Variants in BANP observed in about 807,000 individuals in gnomAD.
BANP encodes protein BANP.
In BANP, 11 loss-of-function variants were observed where a neutral mutation model predicts 68.1. The observed-to-expected ratio is 0.16, with a 90% CI of 0.10 to 0.27. The LOEUF is 0.27. Among genes scored for constraint, BANP ranks in the 10% least tolerant of loss-of-function variants. The pLI is 1.00. For missense variants in BANP, 504 were observed against 722.7 expected (o/e 0.70, Z 3.47); for synonymous variants, 329 against 303.2 (o/e 1.09, Z -0.88).
chr16:87,984,047 T>C lies in BANP; in HGVS notation c.163-13T>C, dbSNP rs748667229. The C allele has an allele frequency of 1.9e-6, 3 of 1,613,794 alleles. No individual in the cohort carries two copies. The Admixed American group carries it at 5.0e-5, about 27-fold the overall frequency. On this transcript the variant is annotated splice_polypyrimidine_tract_variant and intron_variant, in intron 3 of 13. Coordinates refer to ENST00000682872, the MANE Select transcript of BANP (RefSeq NM_001386991.1). Reference sequence around the variant, plus strand: ...GGAGACCCTTCCTAAAGCCGGTCTTTTTTCACTTCCAGTCATTCCTGTATT... The same window carrying C: ...GGAGACCCTTCCTAAAGCCGGTCTTCTTTCACTTCCAGTCATTCCTGTATT...
chr16:87,954,095 C>G (rs62053961), intron 1 of BANP, among the ~76,000 whole-genome samples: 4 of 152,106 alleles, frequency 2.6e-5, no homozygotes, highest in African/African-American at 9.7e-5. Context: ...AGTTCTTCCT[C>G]TCCAGCTCTG....
Position 88,071,771 on chromosome 16 carries a change from G to A in BANP, c.1378-298G>A, listed in dbSNP as rs1184965658. On this transcript the variant is annotated intron_variant, in intron 12 of 13. Coordinates refer to ENST00000682872, the MANE Select transcript of BANP (RefSeq NM_001386991.1). The surrounding 1 kb of genome is among the most constrained non-coding windows in gnomAD (Gnocchi z 6.5). ...GCATTTGCTGTTGCTCTCTTTTTCT[G>A]TGGAAGCTCTGCCTTGCTTTTTTTT... 1.6e-6 allele frequency: 1 copy of A among 631,810 alleles called. No homozygotes were observed. Among genetic ancestry groups the A allele is most frequent in the African/African-American group, 1.8e-5 (1 of 55,642 alleles). The allele number at this position is 631,810 out of a possible 1,614,324, so 39.1% of individuals were successfully genotyped here.
chr16:88,007,186 C>T (rs2071469844), intron 6 of BANP, among the ~76,000 whole-genome samples: 2 of 152,116 alleles, frequency 1.3e-5, no homozygotes. Flanking sequence ...GGATGCTTTC[C>T]AGGGATGGCC....
chr16:87,987,712 CAAAA>C (rs66648819), intron 4 of BANP, among the ~76,000 whole-genome samples: 355 of 30,350 alleles, frequency 0.012, 1 homozygote, highest in African/African-American at 0.041. Context: ...GACCCTAACT[CAAAA>C]AAAAAAAAAA....
chr16:88,020,724 C>T (rs1317429967), intron 7 of BANP, among the ~76,000 whole-genome samples: 1 of 152,184 alleles, frequency 6.6e-6, no homozygotes, highest in South Asian at 2.1e-4. Flanking sequence ...AGTCCCTGCT[C>T]CTCGGGGGAG....
intron 11 of BANP, among the ~76,000 whole-genome samples, chr16:88,055,806 A>G (rs2084854720): frequency 6.6e-6 from 1 of 152,160 alleles, no homozygotes; most frequent in African/African-American, 2.4e-5. Flanking sequence ...CCATCAAGAA[A>G]ATATATTCCT....
At chr16:88,031,567 T>G (rs994062177) in intron 8 of BANP, among the ~76,000 whole-genome samples, 3 of 151,096 alleles carry the variant, frequency 2.0e-5, no homozygotes, top group Non-Finnish European at 4.4e-5. Flanking sequence ...GAGAATCGCT[T>G]GAACTTGGGA....
intron 6 of BANP, among the ~76,000 whole-genome samples, chr16:88,007,629 A>G (rs769680762): frequency 2.6e-5 from 4 of 152,268 alleles, no homozygotes; most frequent in African/African-American, 4.8e-5. Context: ...GCTTACTAGG[A>G]AGAACTCAGT....
rs1567943243 is a variant in BANP, at chr16:88,071,418, GGCCTC to G, written c.1378-646_1378-642del. 2.0e-5 allele frequency: 9 copies of G among 454,364 alleles called. No homozygotes were observed. Among genetic ancestry groups the G allele is most frequent in the South Asian group, 1.4e-4 (9 of 64,272 alleles). The allele number at this position is 454,364 out of a possible 1,614,324, so 28.1% of individuals were successfully genotyped here. A position where few individuals can be genotyped will look rare whatever the true frequency, so the allele number is the denominator to read the frequency against. ...ATGGGGTCACCAGAGCCCACCCAGG[GGCCTC>G]GCCTGTCCCCCATTCTCATTCCATA... On this transcript the variant is annotated intron_variant, in intron 12 of 13. Coordinates refer to ENST00000682872, the MANE Select transcript of BANP (RefSeq NM_001386991.1). This position sits in a 1 kb window ranked among gnomAD's most constrained non-coding sequence, Gnocchi z 6.5.
In BANP at chr16:88,071,137, T is replaced by C; in HGVS notation, c.1378-932T>C. The C allele has an allele frequency of 3.5e-6, 1 of 288,050 alleles. No individual in the cohort carries two copies. Among genetic ancestry groups the C allele is most frequent in the Non-Finnish European group, 6.8e-6 (1 of 147,874 alleles). 17.8% of individuals were successfully genotyped at this position (288,050 alleles called of 1,614,324 possible). A position where few individuals can be genotyped will look rare whatever the true frequency, so the allele number is the denominator to read the frequency against. ...TGGGGTGGGGCACCCTGCGACGGGC[T>C]GCTCCTCTTCCCAGGGCCACCGGTG... On this transcript the variant is annotated intron_variant, in intron 12 of 13. Transcript: ENST00000682872. This position sits in a 1 kb window ranked among gnomAD's most constrained non-coding sequence, Gnocchi z 6.5.
At chr16:88,020,687 G>A (rs988615975) in intron 7 of BANP, among the ~76,000 whole-genome samples, 22 of 152,194 alleles carry the variant, frequency 1.4e-4, no homozygotes, top group Non-Finnish European at 2.9e-5. Context: ...AGTGGCATTC[G>A]GGGCTGGGCC....
chr16:88,021,418 A>G (rs2152686893), intron 7 of BANP, among the ~76,000 whole-genome samples: 1 of 152,250 alleles, frequency 6.6e-6, no homozygotes, highest in African/African-American at 2.4e-5. Context: ...TGGGAAGGTC[A>G]TGGTGTGGCT....
intron 1 of BANP, chr16:87,966,968 T>A (rs779806617): frequency 1.3e-5 from 2 of 152,320 alleles, no homozygotes; most frequent in Non-Finnish European, 2.9e-5. Context: ...CCGCGCCAGC[T>A]CCTTCTGCCT....
chr16:87,954,721 G>T (rs1452053321), intron 1 of BANP, among the ~76,000 whole-genome samples: 1 of 152,244 alleles, frequency 6.6e-6, no homozygotes, highest in Non-Finnish European at 1.5e-5. Flanking sequence ...TGTGCCCCCG[G>T]TGCTTTCCCT....
Position 88,003,617 on chromosome 16 carries a change from C to T in BANP, c.363-678C>T, listed in dbSNP as rs2070085029. On this transcript the variant is annotated intron_variant, in intron 4 of 13. Coordinates refer to ENST00000682872, the MANE Select transcript of BANP (RefSeq NM_001386991.1). This position sits in a 1 kb window ranked among gnomAD's most constrained non-coding sequence, Gnocchi z 6.1. Reference sequence around the variant, plus strand: ...GTTAGCTGCCGCCTGTCTGAACACACTCGTGCTTCCTCCAGGGTGGCGCCA... The same window carrying T: ...GTTAGCTGCCGCCTGTCTGAACACATTCGTGCTTCCTCCAGGGTGGCGCCA... The T allele has an allele frequency of 2.3e-6, 1 of 443,966 alleles. No individual in the cohort carries two copies. Among genetic ancestry groups the T allele is most frequent in the South Asian group, 1.6e-5 (1 of 62,810 alleles). The allele number at this position is 443,966 out of a possible 1,614,324, so 27.5% of individuals were successfully genotyped here.
At chr16:88,024,477 A>G (rs2076597587) in intron 7 of BANP, among the ~76,000 whole-genome samples, 1 of 152,268 alleles carries the variant, frequency 6.6e-6, no homozygotes, top group Admixed American at 6.5e-5. Context: ...TTTTGATCCC[A>G]TCATGATAGG....
intron 2 of BANP, chr16:87,980,682 A>G (rs2063090776): frequency 4.3e-6 from 1 of 235,030 alleles, no homozygotes; most frequent in Non-Finnish European, 8.4e-6. Flanking sequence ...ATAAAACTTT[A>G]TTTTAAAGTT....
rs551754873 is a variant in BANP, at chr16:88,007,569, CCAAA to C, written c.655+1307_655+1310del. On this transcript the variant is annotated intron_variant, in intron 6 of 13. Coordinates refer to ENST00000682872, the MANE Select transcript of BANP (RefSeq NM_001386991.1). ...ACTACAGCGTGGAGAAAAGAAAGAA[CCAAA>C]CAGACTTAGCTTTGTGCGTGGAGTT... Among the ~76,000 whole-genome samples the C allele has an allele frequency of 3.1e-3, 467 of 152,336 alleles. 1 individual carries two copies. Among genetic ancestry groups the C allele is most frequent in the African/African-American group, 0.011 (448 of 41,572 alleles).
At chr16:88,055,276 AC>A in intron 11 of BANP, among the ~76,000 whole-genome samples, 1 of 151,994 alleles carries the variant, frequency 6.6e-6, no homozygotes. Context: ...CCATACACCC[AC>A]CCACCCCCTC....
Sources: allele counts gnomAD v4.1 joint callset (sites outside exome capture counted in the v4.1 genomes callset), GRCh38; gene constraint gnomAD v4.1.1; non-coding constraint Gnocchi (gnomAD v3.1); transcripts MANE v1.5; gene names NCBI Gene and HGNC (gene_info 2026-07-23, HGNC 2026-07-21).